BPHL: variants seen among roughly 807,000 people sequenced by gnomAD.
BPHL encodes the protein biphenyl hydrolase like, also known as serine hydrolase BPHL.
A neutral mutation model predicts 31.2 loss-of-function variants in BPHL; 27 were observed. The observed-to-expected ratio is 0.87, with a 90% CI of 0.64 to 1.19. The LOEUF (loss-of-function observed/expected upper bound fraction) is 1.19. Among genes scored for constraint, BPHL ranks in the 50% most tolerant of loss-of-function variants. The probability of loss-of-function intolerance (pLI) is 0.00; values close to 1 mark genes in which losing one functional copy is unlikely to be tolerated. For missense variants in BPHL, 356 were observed against 375.7 expected (o/e 0.95, Z 0.43); for synonymous variants, 150 against 146.8 (o/e 1.02, Z -0.16).
Position 3,140,869 on chromosome 6 carries a change from A to G in BPHL, c.788+360A>G, listed in dbSNP as rs1172449369. Among the ~76,000 whole-genome samples the G allele has an allele frequency of 6.6e-6, 1 of 152,220 alleles. No homozygotes were observed. The highest frequency in any genetic ancestry group is 1.5e-5 in the Non-Finnish European group (1 of 68,036). On this transcript the variant is annotated intron_variant, in intron 6 of 6. Transcript: ENST00000380379. This position sits in a 1 kb window ranked among gnomAD's most constrained non-coding sequence, Gnocchi z 5.2. Reference sequence around the variant, plus strand: ...GGAATTTTCAGTTTAGTTTTTTATCATTATAAAAGCACTGACCACCCAATT... The same window carrying G: ...GGAATTTTCAGTTTAGTTTTTTATCGTTATAAAAGCACTGACCACCCAATT...
intron 4 of BPHL, 42 bp from the exon 5 acceptor site, chr6:3,137,320 T>C: frequency 5.0e-6 from 8 of 1,605,914 alleles, no homozygotes; most frequent in Non-Finnish European, 6.8e-6. Flanking sequence ...AATACTTTAG[T>C]ATGAAATTAA....
chr6:3,149,407 G>A lies in BPHL; in HGVS notation c.789-3081G>A, dbSNP rs28360526. Among the ~76,000 whole-genome samples, 12,834 of 152,096 alleles carry A rather than the reference G, an allele frequency of 0.084. 786 individuals are homozygous for A. The highest frequency in any genetic ancestry group is 0.17 in the African/African-American group (6,860 of 41,450). ...GTCCTCTAGCAGCCCACTTCAAGCC[G>A]CCACACTGCCCAGAAAGTAGCCTCC... On this transcript the variant is annotated intron_variant, in intron 6 of 6. Transcript: ENST00000380379. This position sits in a 1 kb window ranked among gnomAD's most constrained non-coding sequence, Gnocchi z 4.6.
rs1312651811 is a variant in BPHL, at chr6:3,145,485, C to T, written c.788+4976C>T. Among the ~76,000 whole-genome samples the T allele has an allele frequency of 1.0e-4, 6 of 59,616 alleles. 1 individual carries two copies. The highest frequency in any genetic ancestry group is 3.0e-4 in the African/African-American group (5 of 16,408). The allele number at this position is 59,616 out of a possible 152,430, so 39.1% of individuals were successfully genotyped here. The stretch of plus-strand genomic sequence containing the variant: ...GCTGGTTTGGGTTTGAATGCTGATT[C>T]GGGGTGGAGTGCTGGTTCGGGGTGG... On this transcript the variant is annotated intron_variant, in intron 6 of 6. Transcript: ENST00000380379.
intron 4 of BPHL, among the ~76,000 whole-genome samples, chr6:3,134,751 T>C (rs1761965183): frequency 6.6e-6 from 1 of 151,846 alleles, no homozygotes; most frequent in Non-Finnish European, 1.5e-5. Flanking sequence ...TACAGGCGCC[T>C]GCCACCACGC....
chr6:3,130,135 G>A (rs891271033), intron 4 of BPHL, among the ~76,000 whole-genome samples: 11 of 152,210 alleles, frequency 7.2e-5, no homozygotes, highest in Non-Finnish European at 1.3e-4. Context: ...TGGAATAGGG[G>A]CCAGTGAACT....
upstream of BPHL, chr6:3,118,671 G>A (rs1052560122): frequency 1.3e-5 from 14 of 1,114,480 alleles, no homozygotes; most frequent in African/African-American, 1.6e-5. Context: ...TGGCTTCGGG[G>A]CAGAGTGGGC....
rs1762149120 is a variant in BPHL, at chr6:3,140,614, C to CA, written c.788+106dup. 1.3e-6 allele frequency: 2 copies of CA among 1,520,590 alleles called. No individual in the cohort carries two copies. The highest frequency in any genetic ancestry group is 1.8e-6 in the Non-Finnish European group (2 of 1,125,550). The allele number at this position is 1,520,590 out of a possible 1,614,324, so 94.2% of individuals were successfully genotyped here. A position where few individuals can be genotyped will look rare whatever the true frequency, so the allele number is the denominator to read the frequency against. On this transcript the variant is annotated intron_variant, in intron 6 of 6. Coordinates refer to ENST00000380379, the MANE Select transcript of BPHL (RefSeq NM_004332.4). This position sits in a 1 kb window ranked among gnomAD's most constrained non-coding sequence, Gnocchi z 5.2. ...AGAGGAGTTGGAGTTTTAGAGTGCA[C>CA]AGCCCCCCTTTTGCCAATGCCAGTC...
intron 4 of BPHL, among the ~76,000 whole-genome samples, chr6:3,132,403 TG>T (rs1761898890): frequency 1.3e-5 from 2 of 152,174 alleles, no homozygotes; most frequent in Non-Finnish European, 2.9e-5. Flanking sequence ...GCCACAGTGT[TG>T]GGGTCCTCCA....
chr6:3,118,846 G>C lies in BPHL; in HGVS notation c.106G>C (p.Gly36Arg), dbSNP rs1761467555. 5.7e-6 allele frequency: 7 copies of C among 1,237,422 alleles called. No homozygotes were observed. Among genetic ancestry groups the C allele is most frequent in the African/African-American group, 1.6e-5 (1 of 64,392 alleles). 76.7% of individuals were successfully genotyped at this position (1,237,422 alleles called of 1,614,324 possible). The change falls in exon 1 of 7, where the codon GGC becomes CGC. Residue 36 changes from glycine (G) to arginine (R), a missense_variant and splice_region_variant. Physicochemically the swap from Gly to Arg is moderately radical, Grantham distance 125 (BLOSUM62 -2). Coordinates refer to ENST00000380379, the MANE Select transcript of BPHL (RefSeq NM_004332.4). ...VPRAGPAAAF[G>R]TSVTSAKVAV... is the part of the protein sequence containing the mutation. ...ACGGGCCGGACCCGCGGCCGCGTTC[G>C]GGTAATGGCGGCCACCTCGCCCCGG...
At chr6:3,121,297 T>G (rs1761566033) in intron 1 of BPHL, among the ~76,000 whole-genome samples, 2 of 131,446 alleles carry the variant, frequency 1.5e-5, no homozygotes, top group African/African-American at 6.1e-5. Context: ...GTTTCTTTTT[T>G]TTTTTTTTTT....
Position 3,152,702 on chromosome 6 carries a change from C to A in BPHL, c.*127C>A. On this transcript the variant is annotated 3_prime_UTR_variant, in exon 7 of 7. Transcript: ENST00000380379. The stretch of plus-strand genomic sequence containing the variant: ...ACCCCTCCCTTCAATCTTATCCTAA[C>A]CAAATGAGAATAATGACATATTGAA... The A allele has an allele frequency of 2.5e-6, 2 of 790,390 alleles. No homozygotes were observed. Among genetic ancestry groups the A allele is most frequent in the Non-Finnish European group, 4.0e-6 (2 of 502,574 alleles). The allele number at this position is 790,390 out of a possible 1,614,324, so 49.0% of individuals were successfully genotyped here.
At position 3,141,619 on chromosome 6, in the gene BPHL, G is replaced by T. The variant is rs952870558; in HGVS notation, c.788+1110G>T. 4.6e-5 allele frequency among the ~76,000 whole-genome samples: 7 copies of T among 152,276 alleles called. No homozygotes were observed. In the East Asian group the frequency reaches 1.4e-3, roughly 30 times the overall value. ...CTGACCTCGTGATCCGCCTGCCTTGGCCTCCCAAAGTGCTGGGATTACAGG... is the reference window on the plus strand; with the variant it reads ...CTGACCTCGTGATCCGCCTGCCTTGTCCTCCCAAAGTGCTGGGATTACAGG... On this transcript the variant is annotated intron_variant, in intron 6 of 6. Transcript: ENST00000380379.
intron 6 of BPHL, among the ~76,000 whole-genome samples, chr6:3,141,399 G>T (rs1333990951): frequency 6.6e-6 from 1 of 152,144 alleles, no homozygotes; most frequent in Non-Finnish European, 1.5e-5. Flanking sequence ...TCGGAGTCTC[G>T]CACTGTCACC....
intron 6 of BPHL, among the ~76,000 whole-genome samples, chr6:3,152,091 A>C (rs1762539562): frequency 1.3e-5 from 2 of 152,198 alleles, no homozygotes; most frequent in South Asian, 4.1e-4. Flanking sequence ...CATTCTGAAC[A>C]TTTCTTATTT....
chr6:3,137,510 G>C lies in BPHL; in HGVS notation c.664+17G>C. On this transcript the variant is annotated intron_variant, in intron 5 of 6. Coordinates refer to ENST00000380379, the MANE Select transcript of BPHL (RefSeq NM_004332.4). ...TCCCAGATGGTAGGTTACTGGGCTT[G>C]AAGGGCTCTCTGCCTGTTATAGAGG... is the stretch of plus-strand genomic sequence containing the variant. 1 of 1,613,628 alleles carries C rather than the reference G, an allele frequency of 6.2e-7. No homozygotes were observed. The highest frequency in any genetic ancestry group is 8.5e-7 in the Non-Finnish European group (1 of 1,179,874).
intron 4 of BPHL, among the ~76,000 whole-genome samples, chr6:3,132,224 C>T (rs1761893170): frequency 6.6e-6 from 1 of 152,198 alleles, no homozygotes; most frequent in Admixed American, 6.5e-5. Flanking sequence ...CCTCTTGGCT[C>T]CTTGGTCATT....
intron 4 of BPHL, among the ~76,000 whole-genome samples, chr6:3,135,410 C>A (rs181629974): frequency 3.3e-5 from 5 of 152,334 alleles, no homozygotes; most frequent in Admixed American, 3.3e-4. Flanking sequence ...TGTGTCTTAA[C>A]TCTCTGGCTG....
At chr6:3,123,911 TAGG>T in intron 2 of BPHL, 151 bp downstream of exon 2, 1 of 643,126 alleles carries the variant, frequency 1.6e-6, no homozygotes, top group Non-Finnish European at 2.5e-6. Flanking sequence ...CTTAGAAAAG[TAGG>T]TAACTTTCTA....
Position 3,152,712 on chromosome 6 carries a change from A to G in BPHL, c.*137A>G. The G allele has an allele frequency of 1.4e-6, 1 of 723,730 alleles. No individual in the cohort carries two copies. Among genetic ancestry groups the G allele is most frequent in the Non-Finnish European group, 2.2e-6 (1 of 451,818 alleles). The allele number at this position is 723,730 out of a possible 1,614,324, so 44.8% of individuals were successfully genotyped here. A position where few individuals can be genotyped will look rare whatever the true frequency, so the allele number is the denominator to read the frequency against. ...TCAATCTTATCCTAACCAAATGAGA[A>G]TAATGACATATTGAAAACAGCCTCT... On this transcript the variant is annotated 3_prime_UTR_variant, in exon 7 of 7. Transcript: ENST00000380379.
Sources: allele counts gnomAD v4.1 joint callset (sites outside exome capture counted in the v4.1 genomes callset), GRCh38; gene constraint gnomAD v4.1.1; non-coding constraint Gnocchi (gnomAD v3.1); transcripts MANE v1.5; gene names NCBI Gene and HGNC (gene_info 2026-07-23, HGNC 2026-07-21).